Variants in MAP3K13 observed in about 807,000 individuals in gnomAD.
MAP3K13 encodes leucine zipper-bearing kinase.
Under a neutral mutation model 104.0 loss-of-function variants are expected in MAP3K13, and 52 were observed. That is an observed-to-expected ratio of 0.50 (90% confidence interval 0.40 to 0.63). MAP3K13 has a LOEUF of 0.63. MAP3K13 is among the 20% of genes least tolerant of loss of function. The pLI, the probability that MAP3K13 is intolerant of heterozygous loss-of-function variation, is 0.00. For synonymous variants in MAP3K13, 394 were observed against 442.2 expected (o/e 0.89, Z 1.37); for missense variants, 914 against 1,218.5 (o/e 0.75, Z 3.72).
At chr3:185,353,206 C>CT (rs1443476499) in intron 2 of MAP3K13, among the ~76,000 whole-genome samples, 4 of 152,170 alleles carry the variant, frequency 2.6e-5, no homozygotes, top group African/African-American at 9.7e-5. Context: ...TTGTTAAAAA[C>CT]TTCAGCCAAA....
intron 2 of MAP3K13, among the ~76,000 whole-genome samples, chr3:185,344,527 C>T (rs1722843188): frequency 6.6e-6 from 1 of 152,182 alleles, no homozygotes; most frequent in Non-Finnish European, 1.5e-5. Flanking sequence ...ACTGAATATG[C>T]ACTTGACCCC....
At chr3:185,378,919 G>GA (rs1455512764) in intron 1 of MAP3K13, among the ~76,000 whole-genome samples, 1 of 152,126 alleles carries the variant, frequency 6.6e-6, no homozygotes, top group Non-Finnish European at 1.5e-5. Context: ...TGTTGCAGAA[G>GA]AAAATAAGAC....
At chr3:185,329,121 AT>A (rs34308085) in intron 2 of MAP3K13, 466,520 of 642,224 alleles carry the variant, frequency 0.73, 171,061 homozygotes, top group Non-Finnish European at 0.78. Flanking sequence ...CAGTAGTTTT[AT>A]TTTTTTTTAA....
intron 1 of MAP3K13, among the ~76,000 whole-genome samples, chr3:185,403,233 A>G (rs574746440): frequency 1.1e-4 from 17 of 152,318 alleles, no homozygotes; most frequent in African/African-American, 4.1e-4. Flanking sequence ...TGCTGTTCGG[A>G]AATTGCTGAA....
intron 1 of MAP3K13, among the ~76,000 whole-genome samples, chr3:185,366,231 A>T (rs1307820470): frequency 1.3e-5 from 2 of 151,968 alleles, no homozygotes; most frequent in Non-Finnish European, 2.9e-5. Context: ...TATTTCACTT[A>T]GCATAATGTT....
intron 2 of MAP3K13, among the ~76,000 whole-genome samples, chr3:185,341,109 TCCCC>T (rs552729749): frequency 5.9e-5 from 9 of 151,944 alleles, no homozygotes; most frequent in Non-Finnish European, 1.3e-4. Context: ...CCAAATAGTG[TCCCC>T]CCAAAATTCA....
rs1232215546 is a variant in MAP3K13, at chr3:185,486,796, C to T, written c.*4340C>T. The T allele has an allele frequency of 6.6e-6, 1 of 152,198 alleles. No individual in the cohort carries two copies. The highest frequency in any genetic ancestry group is 1.5e-5 in the Non-Finnish European group (1 of 68,032). 9.4% of individuals were successfully genotyped at this position (152,198 alleles called of 1,614,324 possible). On this transcript the variant is annotated 3_prime_UTR_variant, in exon 14 of 14. Coordinates refer to ENST00000265026, the MANE Select transcript of MAP3K13 (RefSeq NM_004721.5). Reference sequence around the variant, plus strand: ...TTTCAAGATCATATCCTCTGGATAACAGTTCCTTTTAAAATTGCTTTGCAG... The same window carrying T: ...TTTCAAGATCATATCCTCTGGATAATAGTTCCTTTTAAAATTGCTTTGCAG...
In MAP3K13 at chr3:185,309,015, G is replaced by A. The variant is rs114127103; in HGVS notation, c.-86+23372G>A. Among the ~76,000 whole-genome samples, 824 of 152,192 alleles carry A rather than the reference G, an allele frequency of 5.4e-3. 12 individuals carry two copies. Among genetic ancestry groups the A allele is most frequent in the African/African-American group, 0.019 (795 of 41,524 alleles). On this transcript the variant is annotated intron_variant, in intron 2 of 14. Transcript: ENST00000424227. ...GAGGTCTGGGGATTCCTATTCCACCGTGTTTTCTCTTCTTATAAGGATGCC... is the reference window on the plus strand; with the variant it reads ...GAGGTCTGGGGATTCCTATTCCACCATGTTTTCTCTTCTTATAAGGATGCC...
chr3:185,443,127 C>G (rs549748854), intron 3 of MAP3K13, among the ~76,000 whole-genome samples: 1 of 152,190 alleles, frequency 6.6e-6, no homozygotes, highest in South Asian at 2.1e-4. Context: ...TAAAACAACA[C>G]AGTATCCAGC....
At chr3:185,453,787 TATATATATGAGATATATATATATGATAC>T (rs1560115452) in intron 7 of MAP3K13, among the ~76,000 whole-genome samples, 806 of 77,128 alleles carry the variant, frequency 0.01, 12 homozygotes, top group Non-Finnish European at 0.013. Context: ...AAAAATTATA[TATATATATGAGATATATATATATGATAC>T]ATATATATGA....
At chr3:185,300,560 C>T (rs952257335) in intron 2 of MAP3K13, among the ~76,000 whole-genome samples, 2 of 151,462 alleles carry the variant, frequency 1.3e-5, no homozygotes, top group African/African-American at 4.9e-5. Flanking sequence ...GGCGCCATCT[C>T]GGCTCACTGC....
At chr3:185,327,544 G>GA (rs1176638102) in intron 2 of MAP3K13, among the ~76,000 whole-genome samples, 1 of 152,120 alleles carries the variant, frequency 6.6e-6, no homozygotes, top group Non-Finnish European at 1.5e-5. Context: ...GCCTGGGAGA[G>GA]AATAAAATAA....
At chr3:185,354,319 A>C (rs894369591) in intron 2 of MAP3K13, among the ~76,000 whole-genome samples, 34 of 149,688 alleles carry the variant, frequency 2.3e-4, no homozygotes, top group Admixed American at 2.3e-3. Context: ...CGGTAGCCTA[A>C]CCTGTAGGCT....
intron 2 of MAP3K13, among the ~76,000 whole-genome samples, chr3:185,291,093 A>G (rs541141657): frequency 2.6e-5 from 4 of 152,192 alleles, no homozygotes; most frequent in Admixed American, 1.3e-4. Context: ...GAATTTTTCT[A>G]TTTGAAGGCA....
chr3:185,437,762 G>T, intron 3 of MAP3K13, 132 bp downstream of exon 3: 1 of 822,504 alleles, frequency 1.2e-6, no homozygotes, highest in East Asian at 2.8e-5. Context: ...TGCTTTGGGA[G>T]GGTATCAAGG....
chr3:185,408,702 G>A (rs1713259873), intron 1 of MAP3K13, among the ~76,000 whole-genome samples: 1 of 152,186 alleles, frequency 6.6e-6, no homozygotes, highest in African/African-American at 2.4e-5. Flanking sequence ...AGACTTCACA[G>A]CAGATAAGTG....
intron 2 of MAP3K13, among the ~76,000 whole-genome samples, chr3:185,313,789 G>A (rs1721580772): frequency 1.3e-5 from 2 of 152,052 alleles, no homozygotes; most frequent in Admixed American, 1.3e-4. Flanking sequence ...TTAGAATTGG[G>A]AAGCTCTTTG....
At chr3:185,313,468 G>T (rs574577606) in intron 2 of MAP3K13, among the ~76,000 whole-genome samples, 3 of 151,562 alleles carry the variant, frequency 2.0e-5, no homozygotes, top group African/African-American at 7.3e-5. Flanking sequence ...ACGGAGTTTC[G>T]CTGTGTTAGC....
chr3:185,449,731 A>AT (rs11322943), intron 5 of MAP3K13, among the ~76,000 whole-genome samples, 169 bp from the exon 6 acceptor site: 20,431 of 144,434 alleles, frequency 0.14, 1,420 homozygotes, highest in Admixed American at 0.15. Flanking sequence ...CCCCACATAG[A>AT]TTTTTTTTTT....
Sources: gnomAD v4.1 joint callset for allele counts (sites outside exome capture counted in the v4.1 genomes callset) on GRCh38, gnomAD v4.1.1 for gene constraint, MANE v1.5 for transcripts, NCBI Gene and HGNC (gene_info 2026-07-23, HGNC 2026-07-21) for gene names.